TMEM132C: variants seen among roughly 807,000 people sequenced by gnomAD.
TMEM132C encodes transmembrane protein 132C.
Under a neutral mutation model 61.4 loss-of-function variants are expected in TMEM132C, and 29 were observed. The observed-to-expected ratio is 0.47, with a 90% CI of 0.35 to 0.64. The LOEUF (loss-of-function observed/expected upper bound fraction) is 0.64, where lower values mean the gene tolerates loss of function less well. Among genes scored for constraint, TMEM132C ranks in the 30% least tolerant of loss-of-function variants. The pLI, the probability that TMEM132C is intolerant of heterozygous loss-of-function variation, is 0.00. For missense variants in TMEM132C, 1,408 were observed against 1,476.9 expected (o/e 0.95, Z 0.76); for synonymous variants, 656 against 633.1 (o/e 1.04, Z -0.54).
chr12:128,680,197 G>A (rs2135639997), intron 5 of TMEM132C, among the ~76,000 whole-genome samples: 1 of 152,318 alleles, frequency 6.6e-6, no homozygotes, highest in East Asian at 1.9e-4. Flanking sequence ...ATTCTGGTTT[G>A]GGGTTTAAGT....
chr12:128,657,050 A>G (rs1254894162), intron 4 of TMEM132C, among the ~76,000 whole-genome samples: 1 of 152,164 alleles, frequency 6.6e-6, no homozygotes, highest in Admixed American at 6.5e-5. Context: ...GTTTCCTTTC[A>G]GAACCCAAAG....
intron 4 of TMEM132C, among the ~76,000 whole-genome samples, chr12:128,666,616 GA>G (rs780997103): frequency 1.3e-5 from 2 of 152,116 alleles, no homozygotes; most frequent in Non-Finnish European, 2.9e-5. Flanking sequence ...AAGTTAATGG[GA>G]AAGCAAGGAG....
In TMEM132C at chr12:128,387,223, C is replaced by T. The variant is rs1874614484; in HGVS notation, c.86-27509C>T. Among the ~76,000 whole-genome samples the T allele has an allele frequency of 3.3e-5, 5 of 152,066 alleles. No individual in the cohort carries two copies. The South Asian group carries it at 1.0e-3, about 32-fold the overall frequency. On this transcript the variant is annotated intron_variant, in intron 1 of 8. Transcript: ENST00000435159. Reference sequence around the variant, plus strand: ...TGCTGTGCAAAGCTCTCAGCAAAGCCCCAATTCGGGAACCCGCAGGACAAG... The same window carrying T: ...TGCTGTGCAAAGCTCTCAGCAAAGCTCCAATTCGGGAACCCGCAGGACAAG...
chr12:128,688,376 A>T (rs1030022003), intron 5 of TMEM132C, among the ~76,000 whole-genome samples: 2 of 152,226 alleles, frequency 1.3e-5, no homozygotes, highest in South Asian at 4.1e-4. Context: ...TCATCTAAAA[A>T]ATAGGATCAT....
At chr12:128,340,415 A>G (rs1625200) in intron 1 of TMEM132C, among the ~76,000 whole-genome samples, 31,542 of 152,132 alleles carry the variant, frequency 0.21, 8,151 homozygotes, top group African/African-American at 0.62. Flanking sequence ...CAACAAAATG[A>G]CAAAGATATT....
intron 2 of TMEM132C, among the ~76,000 whole-genome samples, chr12:128,530,955 C>G (rs185054246): frequency 3.3e-5 from 5 of 152,252 alleles, no homozygotes; most frequent in African/African-American, 1.2e-4. Flanking sequence ...TTGCCAAATT[C>G]CTGAAAATGT....
intron 2 of TMEM132C, among the ~76,000 whole-genome samples, chr12:128,462,892 A>G (rs1162677003): frequency 6.6e-6 from 1 of 152,184 alleles, no homozygotes; most frequent in Non-Finnish European, 1.5e-5. Flanking sequence ...AGCAGTTTAA[A>G]CAAATAGTGG....
chr12:128,619,787 C>G (rs1953944275), intron 4 of TMEM132C, among the ~76,000 whole-genome samples: 1 of 152,178 alleles, frequency 6.6e-6, no homozygotes, highest in African/African-American at 2.4e-5. Flanking sequence ...GCATTTGGGA[C>G]AACTAAAATG....
intron 1 of TMEM132C, among the ~76,000 whole-genome samples, chr12:128,303,276 G>T (rs143765063): frequency 4.6e-5 from 7 of 152,286 alleles, no homozygotes; most frequent in Non-Finnish European, 1.0e-4. Context: ...CAGTAAAAAT[G>T]AGTCCAAATT....
chr12:128,454,412 C>T (rs551706132), intron 2 of TMEM132C, among the ~76,000 whole-genome samples: 32 of 152,338 alleles, frequency 2.1e-4, no homozygotes, highest in African/African-American at 6.7e-4. Context: ...CTTCAGGAAA[C>T]GTGAATCTCA....
At chr12:128,553,187 A>G (rs1874229233) in intron 3 of TMEM132C, among the ~76,000 whole-genome samples, 1 of 152,240 alleles carries the variant, frequency 6.6e-6, no homozygotes, top group Non-Finnish European at 1.5e-5. Flanking sequence ...TAATGTTGTA[A>G]GAAAGTTTAC....
intron 8 of TMEM132C, among the ~76,000 whole-genome samples, chr12:128,699,296 G>A (rs1284025938): frequency 6.6e-6 from 1 of 152,202 alleles, no homozygotes; most frequent in East Asian, 1.9e-4. Flanking sequence ...AGTGCGGTGG[G>A]TGGGCTCAGC....
At chr12:128,461,085 G>A (rs2136069157) in intron 2 of TMEM132C, among the ~76,000 whole-genome samples, 1 of 152,308 alleles carries the variant, frequency 6.6e-6, no homozygotes, top group South Asian at 2.1e-4. Context: ...GAATTCTATT[G>A]CTGACCTTGT....
At position 128,564,404 on chromosome 12, in the gene TMEM132C, C is replaced by T. The variant is rs1040605029; in HGVS notation, c.1121+20301C>T. On this transcript the variant is annotated intron_variant, in intron 3 of 8. Transcript: ENST00000435159. ...TCACAGCATCATCTCCAGCAGTGCC[C>T]CGCAAGCCAGCATGAGATTCAAGTA... Among the ~76,000 whole-genome samples, 11 of 152,154 alleles carry T rather than the reference C, an allele frequency of 7.2e-5. 1 individual carries two copies. Among genetic ancestry groups the T allele is most frequent in the Admixed American group, 5.2e-4 (8 of 15,286 alleles).
intron 2 of TMEM132C, among the ~76,000 whole-genome samples, chr12:128,527,922 G>T (rs893060380): frequency 6.6e-6 from 1 of 151,976 alleles, no homozygotes; most frequent in South Asian, 2.1e-4. Context: ...TGTGCTTGTG[G>T]TTTCTTTTTT....
intron 3 of TMEM132C, among the ~76,000 whole-genome samples, chr12:128,553,666 C>T (rs938104968): frequency 4.6e-5 from 7 of 152,182 alleles, no homozygotes; most frequent in South Asian, 4.1e-4. Flanking sequence ...GACATTTCCA[C>T]GACAATATGG....
intron 4 of TMEM132C, among the ~76,000 whole-genome samples, chr12:128,626,196 G>A (rs576060119): frequency 3.9e-4 from 59 of 150,276 alleles, no homozygotes; most frequent in Admixed American, 5.3e-4. Context: ...GTGCGATCTC[G>A]GTTCACTGCA....
chr12:128,389,093 AG>A (rs71449347), intron 1 of TMEM132C, among the ~76,000 whole-genome samples: 256 of 152,290 alleles, frequency 1.7e-3, no homozygotes, highest in Non-Finnish European at 2.7e-3. Context: ...CGGGGTACCC[AG>A]GGGGTTGGCA....
At chr12:128,313,497 G>A (rs911781336) in intron 1 of TMEM132C, among the ~76,000 whole-genome samples, 2 of 152,218 alleles carry the variant, frequency 1.3e-5, no homozygotes, top group Non-Finnish European at 2.9e-5. Context: ...CCAGTTATCG[G>A]GACTGGCTTT....
Sources: allele counts gnomAD v4.1 joint callset (sites outside exome capture counted in the v4.1 genomes callset), GRCh38; gene constraint gnomAD v4.1.1; transcripts MANE v1.5; gene names NCBI Gene and HGNC (gene_info 2026-07-23, HGNC 2026-07-21).